The following APC variants were observed in gnomAD, a reference collection of about 807,000 sequenced individuals.
APC encodes the protein adenomatous polyposis coli protein.
A neutral mutation model predicts 247.0 loss-of-function variants in APC; 72 were observed. That is an observed-to-expected ratio of 0.29 (90% CI 0.24 to 0.35). APC has a LOEUF of 0.35. APC is among the 10% of genes least tolerant of loss of function. The pLI is 1.00. For synonymous variants in APC, 1,254 were observed against 1,162.5 expected, an observed-to-expected ratio of 1.08 and a Z score of -1.60; for missense variants, 3,400 against 3,360.7, an observed-to-expected ratio of 1.01 and a Z score of -0.29.
chr5:112,807,445 CTT>C (rs1761535889), intron 8 of APC, among the ~76,000 whole-genome samples: 3 of 151,862 alleles, frequency 2.0e-5, no homozygotes, highest in Non-Finnish European at 2.9e-5. Flanking sequence ...ACAACTTACT[CTT>C]GTCATTTAAT....
At chr5:112,799,245 T>C (rs1418575656) in intron 7 of APC, among the ~76,000 whole-genome samples, 1 of 149,656 alleles carries the variant, frequency 6.7e-6, no homozygotes, top group Non-Finnish European at 1.5e-5. Flanking sequence ...ACATAATTAA[T>C]GATCTGTTCC....
In APC at chr5:112,836,173, C is replaced by T. The variant is rs538291478; in HGVS notation, c.1958+1008C>T. 7.5e-4 allele frequency among the ~76,000 whole-genome samples: 56 copies of T among 74,524 alleles called. 5 individuals are homozygous for T. The East Asian group carries it at 0.012, about 16-fold the overall frequency. 48.9% of individuals were successfully genotyped at this position (74,524 alleles called of 152,430 possible). ...GTAGCTGGGATTACAGGTCCCCCCC[C>T]CCCCCCGCCACCGTGCCCGGCTAAT... On this transcript the variant is annotated intron_variant, in intron 15 of 15. Transcript: ENST00000257430.
Position 112,842,176 on chromosome 5 carries a change from TTATAA to T in APC, c.6583_6587del (p.Tyr2195LysfsTer10), listed in dbSNP as rs748823446. The T allele has an allele frequency of 6.2e-7, 1 of 1,612,864 alleles. No homozygotes were observed. The highest frequency in any genetic ancestry group is 2.2e-5 in the East Asian group (1 of 44,870). ...AAGGAATCAAAGGAGGAAAAAAAGT[TTATAA>T]AAGTTTGATTACTGGAAAAGTTCGA... On this transcript the variant is annotated frameshift_variant, in exon 16 of 16. Coordinates refer to ENST00000257430, the MANE Select transcript of APC (RefSeq NM_000038.6). LOFTEE classifies it high-confidence loss of function.
chr5:112,825,015 T>G lies in APC; in HGVS notation c.1409-2093T>G, dbSNP rs569779623. ...GTGACATCTTCCCTTAGGTGGTATTTTAGACACTTCTAACTCAACTGTCAC... is the reference window on the plus strand; with the variant it reads ...GTGACATCTTCCCTTAGGTGGTATTGTAGACACTTCTAACTCAACTGTCAC... On this transcript the variant is annotated intron_variant, in intron 11 of 15. Coordinates refer to ENST00000257430, the MANE Select transcript of APC (RefSeq NM_000038.6). Among the ~76,000 whole-genome samples, 8 of 152,344 alleles carry G rather than the reference T, an allele frequency of 5.3e-5. No homozygotes were observed. The South Asian group carries it at 1.2e-3, about 24-fold the overall frequency.
At chr5:112,715,116 A>C (rs1187368881) in intron 1 of APC, among the ~76,000 whole-genome samples, 1 of 152,230 alleles carries the variant, frequency 6.6e-6, no homozygotes, top group Non-Finnish European at 1.5e-5. Context: ...CAGTTGTTAT[A>C]ATAGAGTATG....
At chr5:112,796,153 T>TTATAG (rs1168122688) in intron 7 of APC, among the ~76,000 whole-genome samples, 3 of 152,216 alleles carry the variant, frequency 2.0e-5, no homozygotes, top group African/African-American at 7.2e-5. Flanking sequence ...AGGAAGGTGA[T>TTATAG]TATAGTATAC....
chr5:112,707,570 A>G lies in APC; in HGVS notation c.-148A>G, dbSNP rs953056092. On this transcript the variant is annotated 5_prime_UTR_variant, in exon 1 of 14. Transcript: ENST00000507379. ...AAGGGGGCGGGGTGTGGCCGCCGGA[A>G]GCCTAGCCGCTGCTCGGGGGGGACC... The G allele has an allele frequency of 1.1e-5, 9 of 791,668 alleles. No homozygotes were observed. Among genetic ancestry groups the G allele is most frequent in the South Asian group, 3.3e-5 (2 of 60,088 alleles). 49.0% of individuals were successfully genotyped at this position (791,668 alleles called of 1,614,324 possible). A position where few individuals can be genotyped will look rare whatever the true frequency, so the allele number is the denominator to read the frequency against.
Position 112,819,058 on chromosome 5 carries a change from C to A in APC, c.1026C>A (p.Asp342Glu), listed in dbSNP as rs1168959523. ...RTLLAMSSSQDSCISMRQSGC... is the reference protein window; with the variant it reads ...RTLLAMSSSQESCISMRQSGC... Reference sequence around the variant, plus strand: ...TGCTAGCTATGTCTAGCTCCCAAGACAGCTGTATATCCATGCGACAGTCTG... The same window carrying A: ...TGCTAGCTATGTCTAGCTCCCAAGAAAGCTGTATATCCATGCGACAGTCTG... Residue 342 changes from aspartate (D) to glutamate (E), a missense_variant, in exon 10 of 16, where the codon GAC (aspartate) becomes GAA (glutamate). Around this residue, in one of 9 missense-constraint regions of APC, gnomAD observed 199 missense variants for 212.5 expected, o/e 0.94. Coordinates refer to ENST00000257430, the MANE Select transcript of APC (RefSeq NM_000038.6). The A allele has an allele frequency of 1.9e-6, 3 of 1,613,988 alleles. No homozygotes were observed.
chr5:112,761,656 A>C (rs921164838), intron 2 of APC, among the ~76,000 whole-genome samples: 2 of 152,212 alleles, frequency 1.3e-5, no homozygotes, highest in African/African-American at 4.8e-5. Flanking sequence ...AAGAAAACAT[A>C]GGTAATAGCT....
At chr5:112,755,564 T>A (rs1754878284) in intron 2 of APC, among the ~76,000 whole-genome samples, 1 of 152,216 alleles carries the variant, frequency 6.6e-6, no homozygotes, top group African/African-American at 2.4e-5. Flanking sequence ...TAAGTTGTCT[T>A]ATTTGGCAAG....
chr5:112,755,878 G>C (rs1025825984), intron 2 of APC, among the ~76,000 whole-genome samples: 12 of 151,966 alleles, frequency 7.9e-5, no homozygotes, highest in Admixed American at 7.2e-4. Flanking sequence ...GTGAGGCAGA[G>C]GCAGGAGGAT....
At position 112,843,223 on chromosome 5, in the gene APC, G is replaced by A. The variant is rs780270498; in HGVS notation, c.7629G>A (p.Arg2543=). The part of the protein sequence containing the change: ...SESPSRLPIN[R]SGTWKREHSK... ...GTCCTTCTAGACTTCCAATCAATAG[G>A]TCAGGAACCTGGAAACGTGAGCACA... is the stretch of plus-strand genomic sequence containing the variant. Residue 2543 remains arginine (R), a synonymous_variant, in exon 16 of 16, where the codon AGG becomes AGA. Coordinates refer to ENST00000257430, the MANE Select transcript of APC (RefSeq NM_000038.6). The surrounding 1 kb of genome is among the most constrained non-coding windows in gnomAD (Gnocchi z 4.8). 25 of 1,613,738 alleles carry A rather than the reference G, an allele frequency of 1.5e-5. No individual in the cohort carries two copies. Among genetic ancestry groups the A allele is most frequent in the Non-Finnish European group, 2.0e-5 (24 of 1,179,812 alleles).
intron 4 of APC, among the ~76,000 whole-genome samples, chr5:112,774,237 C>G (rs916857572): frequency 2.5e-4 from 38 of 151,960 alleles, no homozygotes; most frequent in African/African-American, 9.2e-4. Context: ...AAAAAAATAC[C>G]TAGTATAGAT....
Position 112,843,409 on chromosome 5 carries a change from A to C in APC, c.7815A>C (p.Gln2605His), listed in dbSNP as rs1554088680. 6.2e-7 allele frequency: 1 copy of C among 1,613,240 alleles called. No homozygotes were observed. The highest frequency in any genetic ancestry group is 8.5e-7 in the Non-Finnish European group (1 of 1,179,456). ...ISGTKQSKEN[Q>H]VSAKGTWRKI... is the part of the protein sequence containing the mutation. ...GAACCAAACAAAGTAAAGAAAACCA[A>C]GTATCCGCAAAAGGAACATGGAGAA... The change falls in exon 16 of 16, where the codon CAA becomes CAC. Residue 2605 changes from glutamine (Q) to histidine (H), a missense_variant. Gln to His is a conservative substitution (Grantham distance 24). Coordinates refer to ENST00000257430, the MANE Select transcript of APC (RefSeq NM_000038.6). This position sits in a 1 kb window ranked among gnomAD's most constrained non-coding sequence, Gnocchi z 4.8.
At chr5:112,801,804 G>C (rs1026116872) in intron 8 of APC, among the ~76,000 whole-genome samples, 1 of 151,794 alleles carries the variant, frequency 6.6e-6, no homozygotes, top group Non-Finnish European at 1.5e-5. Context: ...TGTACTTAAA[G>C]ATTATATAAA....
chr5:112,835,974 CG>C (rs1301499590), intron 15 of APC, among the ~76,000 whole-genome samples: 2 of 148,224 alleles, frequency 1.3e-5, no homozygotes, highest in African/African-American at 5.0e-5. Context: ...TTTCAGAACT[CG>C]GATGCTGTAT....
At chr5:112,779,667 AT>A (rs546796435) in intron 5 of APC, among the ~76,000 whole-genome samples, 58 of 147,384 alleles carry the variant, frequency 3.9e-4, no homozygotes, top group African/African-American at 5.9e-4. Flanking sequence ...GTCATGTTCA[AT>A]TTTTTTTTTT....
intron 8 of APC, among the ~76,000 whole-genome samples, chr5:112,814,681 A>C (rs930455714): frequency 2.6e-5 from 4 of 152,094 alleles, no homozygotes; most frequent in African/African-American, 9.7e-5. Context: ...TTAAGACGTA[A>C]TTCTGATTGT....
intron 11 of APC, among the ~76,000 whole-genome samples, chr5:112,822,779 G>A (rs905724876): frequency 3.9e-5 from 6 of 152,106 alleles, no homozygotes; most frequent in African/African-American, 1.2e-4. Context: ...TTTTTGTGCC[G>A]TTTATGTTAC....
Sources: allele counts gnomAD v4.1 joint callset (sites outside exome capture counted in the v4.1 genomes callset), GRCh38; gene constraint gnomAD v4.1.1; regional missense constraint gnomAD v4.1.1; non-coding constraint Gnocchi (gnomAD v3.1); transcripts MANE v1.5; gene names NCBI Gene and HGNC (gene_info 2026-07-23, HGNC 2026-07-21).